MSN: variants seen among roughly 807,000 people sequenced by gnomAD.
The protein encoded by MSN is epididymis luminal protein 70.
In MSN, 2 loss-of-function variants were observed where a neutral mutation model predicts 48.0. The ratio of observed to expected loss-of-function variants is 0.04; its 90% CI spans 0.02 to 0.13. The LOEUF (loss-of-function observed/expected upper bound fraction) is 0.13. Ranked by LOEUF, MSN falls within the 10% of genes least tolerant of loss-of-function variation. The pLI is 1.00. For synonymous variants in MSN, 146 were observed against 166.9 expected, an observed-to-expected ratio of 0.87 and a Z score of 0.97; for missense variants, 267 against 470.1, an observed-to-expected ratio of 0.57 and a Z score of 3.99.
chrX:65,627,755 C>A (rs2148363876), intron 1 of MSN, among the ~76,000 whole-genome samples: 1 of 111,864 alleles, frequency 8.9e-6, no homozygotes, highest in East Asian at 2.8e-4. Context: ...ACCCAAAAGT[C>A]CATAGTCCAA....
chrX:65,597,281 T>C (rs1265177154), intron 1 of MSN, among the ~76,000 whole-genome samples: 1 of 108,388 alleles, frequency 9.2e-6, no homozygotes, highest in Admixed American at 1.0e-4. Context: ...ACTCCAGGAC[T>C]CCAGTGATCC....
intron 1 of MSN, among the ~76,000 whole-genome samples, chrX:65,592,192 C>CTTTTT (rs1176549178): frequency 8.6e-4 from 66 of 76,860 alleles, no homozygotes; most frequent in African/African-American, 1.1e-3. Context: ...CTCTTCATCC[C>CTTTTT]TTTTTTTTTT....
intron 2 of MSN, 43 bp downstream of exon 2, chrX:65,716,944 C>G: frequency 2.7e-6 from 3 of 1,091,008 alleles, no homozygotes; most frequent in Non-Finnish European, 3.8e-6. Context: ...CTCTGAATAG[C>G]TTCCACCACA....
In MSN at chrX:65,735,918, G is replaced by A. The variant is rs985421859; in HGVS notation, c.959+488G>A. Among the ~76,000 whole-genome samples the A allele has an allele frequency of 2.7e-5, 3 of 111,656 alleles. No homozygotes were observed. The East Asian group carries it at 8.4e-4, about 31-fold the overall frequency. ...GAGAAGGGTAAGCCAAGTATTCTGA[G>A]GGCCCAGATGGAGAATACCTAGCCA... On this transcript the variant is annotated intron_variant, in intron 8 of 12. Transcript: ENST00000360270.
At chrX:65,620,281 G>A (rs1055725063) in intron 1 of MSN, among the ~76,000 whole-genome samples, 9 of 112,664 alleles carry the variant, frequency 8.0e-5, no homozygotes, top group African/African-American at 2.9e-4. Context: ...GCAAGCCTGG[G>A]CAATGGAGGG....
rs1410851050 is a variant in MSN, at chrX:65,731,706, G to A, written c.552-132G>A. 8.5e-6 allele frequency: 6 copies of A among 707,457 alleles called. No individual in the cohort carries two copies. The African/African-American group carries it at 8.8e-5, about 10-fold the overall frequency. The allele number at this position is 707,457 out of a possible 1,213,427, so 58.3% of individuals were successfully genotyped here. On this transcript the variant is annotated intron_variant, in intron 5 of 12. Transcript: ENST00000360270. Reference sequence around the variant, plus strand: ...TGCTGTGCTCTGTTCTCCATCATCTGCTTGCCTTTTGTCCCCTTTCCCACT... The same window carrying A: ...TGCTGTGCTCTGTTCTCCATCATCTACTTGCCTTTTGTCCCCTTTCCCACT...
At chrX:65,676,682 C>G (rs1410537692) in intron 1 of MSN, among the ~76,000 whole-genome samples, 6 of 111,846 alleles carry the variant, frequency 5.4e-5, no homozygotes, top group Non-Finnish European at 1.1e-4. Flanking sequence ...ATTTCTTTCC[C>G]TCTCTTTAGC....
At chrX:65,618,061 G>T (rs922328958) in intron 1 of MSN, among the ~76,000 whole-genome samples, 2 of 110,652 alleles carry the variant, frequency 1.8e-5, no homozygotes, top group Non-Finnish European at 3.8e-5. Flanking sequence ...ATTGCACTGT[G>T]GTCTGAGAGA....
chrX:65,604,428 C>G (rs192784540), intron 1 of MSN, among the ~76,000 whole-genome samples: 1 of 111,742 alleles, frequency 8.9e-6, no homozygotes, highest in East Asian at 2.8e-4. Flanking sequence ...CCACAGGAAA[C>G]CATGTCATCC....
At chrX:65,630,003 ACT>A (rs1414706122) in intron 1 of MSN, among the ~76,000 whole-genome samples, 1 of 110,521 alleles carries the variant, frequency 9.0e-6, no homozygotes, top group East Asian at 2.8e-4. Flanking sequence ...ACGTGGTGAA[ACT>A]CTGTCTCTAC....
intron 1 of MSN, among the ~76,000 whole-genome samples, chrX:65,655,861 G>C (rs2070777140): frequency 8.9e-6 from 1 of 111,927 alleles, no homozygotes; most frequent in African/African-American, 3.2e-5. Context: ...CTGCTTCCCG[G>C]GTTCAAGTTG....
intron 1 of MSN, among the ~76,000 whole-genome samples, chrX:65,606,046 G>T (rs776482734): frequency 9.1e-6 from 1 of 110,043 alleles, no homozygotes; most frequent in Non-Finnish European, 1.9e-5. Context: ...AGGCTCAAGC[G>T]ATCCTTCTAC....
intron 1 of MSN, among the ~76,000 whole-genome samples, chrX:65,699,545 C>T (rs1192394419): frequency 1.8e-5 from 2 of 109,959 alleles, no homozygotes; most frequent in Admixed American, 9.7e-5. Context: ...GTCGGGAGAT[C>T]GAGACCATCC....
At chrX:65,618,002 T>G (rs1445186161) in intron 1 of MSN, among the ~76,000 whole-genome samples, 2 of 109,134 alleles carry the variant, frequency 1.8e-5, no homozygotes, top group African/African-American at 6.7e-5. Context: ...TCAGTTTCCA[T>G]GTAGTTGAGC....
At chrX:65,625,590 T>A (rs1224492778) in intron 1 of MSN, 1 of 112,182 alleles carries the variant, frequency 8.9e-6, no homozygotes. Context: ...CCAGCTATCT[T>A]TTGGTTACTA....
chrX:65,626,480 T>G (rs961416810), intron 1 of MSN, among the ~76,000 whole-genome samples: 2 of 111,915 alleles, frequency 1.8e-5, no homozygotes, highest in African/African-American at 6.5e-5. Flanking sequence ...GTATGTTTAG[T>G]AACTTTTCCA....
At chrX:65,722,675 C>A (rs1418637825) in intron 2 of MSN, among the ~76,000 whole-genome samples, 2 of 110,806 alleles carry the variant, frequency 1.8e-5, no homozygotes, top group Non-Finnish European at 3.8e-5. Context: ...CCGCCCCAGC[C>A]TCCCAAAATG....
intron 1 of MSN, among the ~76,000 whole-genome samples, chrX:65,621,157 C>T (rs555479032): frequency 2.1e-4 from 23 of 111,172 alleles, no homozygotes; most frequent in South Asian, 1.1e-3. Flanking sequence ...TCTTGTGATC[C>T]GCCCACCTCG....
intron 1 of MSN, among the ~76,000 whole-genome samples, chrX:65,623,442 G>A (rs2070473625): frequency 9.6e-6 from 1 of 104,248 alleles, no homozygotes; most frequent in Non-Finnish European, 1.9e-5. Flanking sequence ...CAAATAATGA[G>A]TTATAAAGTA....
Sources: allele counts gnomAD v4.1 joint callset (sites outside exome capture counted in the v4.1 genomes callset), GRCh38; gene constraint gnomAD v4.1.1; transcripts MANE v1.5; gene names NCBI Gene and HGNC (gene_info 2026-07-23, HGNC 2026-07-21).